Variants in ADAP1 observed in about 807,000 individuals in gnomAD.
ADAP1 encodes arf-GAP with dual PH domain-containing protein 1.
ADAP1 carries 31 observed loss-of-function variants against 54.9 expected under a neutral mutation model. The observed-to-expected ratio is 0.56, with a 90% CI of 0.42 to 0.76. The LOEUF (loss-of-function observed/expected upper bound fraction) is 0.76, where lower values mean the gene tolerates loss of function less well. Among genes scored for constraint, ADAP1 ranks in the 30% least tolerant of loss-of-function variants. The pLI is 0.00. For synonymous variants in ADAP1, 313 were observed against 202.6 expected, an observed-to-expected ratio of 1.55 and a Z score of -4.63; for missense variants, 535 against 512.4, an observed-to-expected ratio of 1.04 and a Z score of -0.42.
chr7:925,009 G>A (rs1016405289), intron 3 of ADAP1, among the ~76,000 whole-genome samples: 1 of 152,002 alleles, frequency 6.6e-6, no homozygotes, highest in Non-Finnish European at 1.5e-5. Context: ...GCCTGCCCGG[G>A]TGGGAAGGGA....
intron 8 of ADAP1, among the ~76,000 whole-genome samples, chr7:899,745 TACGAGCCCTC>T (rs2128632388): frequency 6.6e-6 from 1 of 151,976 alleles, no homozygotes; most frequent in African/African-American, 2.4e-5. Flanking sequence ...AGGCCTCACT[TACGAGCCCTC>T]ACACCTGCAC....
Position 902,821 on chromosome 7 carries a change from G to A in ADAP1, c.648+1305C>T, listed in dbSNP as rs192484172. On this transcript the variant is annotated intron_variant, in intron 6 of 10. Transcript: ENST00000265846. ...CACAGCATTGGAGAATTTCAAAACC[G>A]CGGGACAAACGTACTAGGATGGAGG... Among the ~76,000 whole-genome samples, 433 of 150,910 alleles carry A rather than the reference G, an allele frequency of 2.9e-3. 4 individuals are homozygous for A. The highest frequency in any genetic ancestry group is 9.5e-3 in the African/African-American group (391 of 41,236).
rs1199303309 is a variant in ADAP1 at position 899,273 on chromosome 7, G to A, written c.868-12C>T. The A allele has an allele frequency of 1.3e-5, 21 of 1,612,178 alleles. No individual in the cohort carries two copies. The highest frequency in any genetic ancestry group is 1.7e-5 in the Non-Finnish European group (20 of 1,179,578). The stretch of plus-strand genomic sequence containing the variant: ...CGGGCGAAGGCGTCCTGTGGGTGGG[G>A]ACCGCACTGGAGGCGGGGCCATGTC... On this transcript the variant is annotated splice_polypyrimidine_tract_variant and intron_variant, in intron 9 of 10. Coordinates refer to ENST00000265846, the MANE Select transcript of ADAP1 (RefSeq NM_006869.4).
At chr7:913,083 ACCCTCCCACCTCGGCCTC>A (rs1373292170) in intron 4 of ADAP1, among the ~76,000 whole-genome samples, 1 of 148,018 alleles carries the variant, frequency 6.8e-6, no homozygotes, top group Admixed American at 6.7e-5. Flanking sequence ...GGCTCAAGCA[ACCCTCCCACCTCGGCCTC>A]CCAGAGTGCT....
chr7:919,942 G>T, intron 4 of ADAP1, 26 bp downstream of exon 4: 1 of 1,581,688 alleles, frequency 6.3e-7, no homozygotes, highest in Non-Finnish European at 8.6e-7. Context: ...TAGCCGGGAG[G>T]CCCCACCCCA....
intron 4 of ADAP1, among the ~76,000 whole-genome samples, chr7:913,305 A>G (rs1486644698): frequency 1.4e-5 from 2 of 143,212 alleles, no homozygotes; most frequent in African/African-American, 5.3e-5. Flanking sequence ...GGTTCACACC[A>G]TTCTCCTGCC....
intron 1 of ADAP1, among the ~76,000 whole-genome samples, chr7:951,149 T>C (rs975040704): frequency 8.6e-5 from 13 of 151,428 alleles, no homozygotes; most frequent in African/African-American, 2.4e-4. Flanking sequence ...CCGAGGCGGG[T>C]GGATCACGAG....
rs1349260705 is a variant in ADAP1, at chr7:946,862, G to A, written c.82+7534C>T. 6.6e-6 allele frequency among the ~76,000 whole-genome samples: 1 copy of A among 152,250 alleles called. No individual in the cohort carries two copies. Among genetic ancestry groups the A allele is most frequent in the South Asian group, 2.1e-4 (1 of 4,838 alleles). ...TGAAATGATTAACCTGAGGCCGGGC[G>A]GGGCGGCTCACGCCTGCAATCTCAG... On this transcript the variant is annotated intron_variant, in intron 1 of 10. Coordinates refer to ENST00000265846, the MANE Select transcript of ADAP1 (RefSeq NM_006869.4). This position sits in a 1 kb window ranked among gnomAD's most constrained non-coding sequence, Gnocchi z 4.3.
chr7:932,134 G>T lies in ADAP1; in HGVS notation c.213+3241C>A, dbSNP rs151039874. Among the ~76,000 whole-genome samples the T allele has an allele frequency of 1.3e-3, 201 of 152,350 alleles. 1 individual carries two copies. Among genetic ancestry groups the T allele is most frequent in the African/African-American group, 4.5e-3 (186 of 41,580 alleles). On this transcript the variant is annotated intron_variant, in intron 2 of 10. Transcript: ENST00000265846. ...TGGTTTTTATCGCACCAGTGAACGTGCAGACAACAGAATGGGGATGGAATC... is the reference window on the plus strand; with the variant it reads ...TGGTTTTTATCGCACCAGTGAACGTTCAGACAACAGAATGGGGATGGAATC...
At chr7:953,223 G>A (rs1395861307) in intron 1 of ADAP1, among the ~76,000 whole-genome samples, 2 of 152,202 alleles carry the variant, frequency 1.3e-5, no homozygotes, top group Admixed American at 6.5e-5. Context: ...CCCTGTGGCC[G>A]TCCTGTCTCA....
Position 920,462 on chromosome 7 carries a change from G to T in ADAP1, c.306-412C>A, listed in dbSNP as rs1046415297. On this transcript the variant is annotated intron_variant, in intron 3 of 10. Transcript: ENST00000265846. This position sits in a 1 kb window ranked among gnomAD's most constrained non-coding sequence, Gnocchi z 4.5. Reference sequence around the variant, plus strand: ...CCGACCCTCCCCACCTCGTTGGACCGGATCTGGGAAGTGGCCGCGGCGCCG... The same window carrying T: ...CCGACCCTCCCCACCTCGTTGGACCTGATCTGGGAAGTGGCCGCGGCGCCG... 7.6e-6 allele frequency among the ~76,000 whole-genome samples: 1 copy of T among 130,966 alleles called. No homozygotes were observed. The highest frequency in any genetic ancestry group is 2.7e-4 in the East Asian group (1 of 3,732). 85.9% of individuals were successfully genotyped at this position (130,966 alleles called of 152,430 possible).
At chr7:917,638 T>C (rs1845989990) in intron 4 of ADAP1, among the ~76,000 whole-genome samples, 1 of 152,170 alleles carries the variant, frequency 6.6e-6, no homozygotes, top group Non-Finnish European at 1.5e-5. Context: ...CTAATTTTTG[T>C]ATTTTTTACT....
chr7:927,909 A>G (rs1846440648), intron 2 of ADAP1, among the ~76,000 whole-genome samples: 2 of 152,102 alleles, frequency 1.3e-5, no homozygotes, highest in African/African-American at 4.8e-5. Flanking sequence ...AAATGGTTCT[A>G]AAGTTGAAAA....
At chr7:899,647 G>A (rs948260094) in intron 8 of ADAP1, among the ~76,000 whole-genome samples, 157 bp from the exon 9 acceptor site, 1 of 152,066 alleles carries the variant, frequency 6.6e-6, no homozygotes, top group African/African-American at 2.4e-5. Context: ...CGAGGCCTCC[G>A]CACACGCCTG....
intron 4 of ADAP1, among the ~76,000 whole-genome samples, chr7:917,351 G>A (rs1383447507): frequency 2.7e-5 from 4 of 150,588 alleles, no homozygotes; most frequent in Non-Finnish European, 5.9e-5. Context: ...GGAGGGGGGC[G>A]CAGTGCCAGC....
chr7:913,924 GA>G (rs1172639933), intron 4 of ADAP1, among the ~76,000 whole-genome samples: 1 of 152,138 alleles, frequency 6.6e-6, no homozygotes, highest in Non-Finnish European at 1.5e-5. Context: ...AACAGAGCAG[GA>G]AAAAACAAAC....
At position 926,700 on chromosome 7, in the gene ADAP1, G is replaced by A; in HGVS notation, c.214-56C>T. The A allele has an allele frequency of 2.2e-6, 3 of 1,392,868 alleles. No homozygotes were observed. The highest frequency in any genetic ancestry group is 2.9e-6 in the Non-Finnish European group (3 of 1,036,686). 86.3% of individuals were successfully genotyped at this position (1,392,868 alleles called of 1,614,324 possible). A position where few individuals can be genotyped will look rare whatever the true frequency, so the allele number is the denominator to read the frequency against. On this transcript the variant is annotated intron_variant, in intron 2 of 10. Transcript: ENST00000265846. The surrounding 1 kb of genome is among the most constrained non-coding windows in gnomAD (Gnocchi z 4.6). ...CTGGGGTCCCAGGGGCAGCCTAGGA[G>A]GTGCCAGCTGCCCTTGGGGCCGTCA...
chr7:931,203 G>A (rs1846566611), intron 2 of ADAP1, among the ~76,000 whole-genome samples: 1 of 152,202 alleles, frequency 6.6e-6, no homozygotes, highest in African/African-American at 2.4e-5. Flanking sequence ...TGCCTGGCCA[G>A]GGTGGGGACG....
intron 8 of ADAP1, 100 bp from the exon 9 acceptor site, chr7:899,590 G>C (rs950629479): frequency 7.3e-7 from 1 of 1,367,750 alleles, no homozygotes; most frequent in Non-Finnish European, 9.9e-7. Context: ...AGACTGGCCC[G>C]GGTCAGTCAC....
Sources: allele counts gnomAD v4.1 joint callset (sites outside exome capture counted in the v4.1 genomes callset), GRCh38; gene constraint gnomAD v4.1.1; non-coding constraint Gnocchi (gnomAD v3.1); transcripts MANE v1.5; gene names NCBI Gene and HGNC (gene_info 2026-07-23, HGNC 2026-07-21).